LGR5: variants seen among roughly 807,000 people sequenced by gnomAD.
LGR5 encodes leucine rich repeat containing G protein-coupled receptor 5, also known as leucine-rich repeat-containing G protein-coupled receptor 5.
Under a neutral mutation model 76.7 loss-of-function variants are expected in LGR5, and 54 were observed. The ratio of observed to expected loss-of-function variants is 0.70; its 90% CI spans 0.57 to 0.88. LGR5 has a LOEUF of 0.88. Among genes scored for constraint, LGR5 ranks in the 40% least tolerant of loss-of-function variants. LGR5 has a pLI of 0.00. For missense variants in LGR5, 1,078 were observed against 1,073.3 expected, an observed-to-expected ratio of 1.00 and a Z score of -0.06; for synonymous variants, 406 against 421.9, an observed-to-expected ratio of 0.96 and a Z score of 0.46.
intron 1 of LGR5, among the ~76,000 whole-genome samples, chr12:71,451,700 C>A (rs927613143): frequency 1.3e-5 from 2 of 152,104 alleles, no homozygotes; most frequent in African/African-American, 4.8e-5. Flanking sequence ...GACTATATAC[C>A]CCTTGAAAAT....
chr12:71,567,755 C>T lies in LGR5; in HGVS notation c.1070+843C>T, dbSNP rs139778946. 4.6e-3 allele frequency among the ~76,000 whole-genome samples: 694 copies of T among 152,216 alleles called. 8 individuals are homozygous for T. The highest frequency in any genetic ancestry group is 0.016 in the African/African-American group (660 of 41,536). On this transcript the variant is annotated intron_variant, in intron 11 of 17. Coordinates refer to ENST00000266674, the MANE Select transcript of LGR5 (RefSeq NM_003667.4). ...GCCGTGTCACTTCAGACTCCAGTTG[C>T]TCAATGATATGTGGGTGCAGTGACA... is the stretch of plus-strand genomic sequence containing the variant.
chr12:71,498,147 G>A (rs1488758865), intron 1 of LGR5, among the ~76,000 whole-genome samples: 3 of 152,114 alleles, frequency 2.0e-5, no homozygotes, highest in Non-Finnish European at 4.4e-5. Context: ...GAATCTTTGA[G>A]GAATCCCTAG....
chr12:71,535,918 C>T (rs1397887242), intron 4 of LGR5, among the ~76,000 whole-genome samples: 1 of 152,194 alleles, frequency 6.6e-6, no homozygotes, highest in African/African-American at 2.4e-5. Context: ...CACAAAAGAA[C>T]ATTCTCCCAG....
intron 1 of LGR5, among the ~76,000 whole-genome samples, chr12:71,456,156 T>C (rs1872464672): frequency 1.3e-5 from 2 of 152,304 alleles, no homozygotes; most frequent in Non-Finnish European, 2.9e-5. Context: ...GCTTATACTT[T>C]TTTATTCCAG....
At chr12:71,450,290 C>T (rs1565848368) in intron 1 of LGR5, among the ~76,000 whole-genome samples, 2 of 152,116 alleles carry the variant, frequency 1.3e-5, no homozygotes, top group African/African-American at 2.4e-5. Context: ...TTGTGTATGT[C>T]CATATCTAGA....
intron 1 of LGR5, among the ~76,000 whole-genome samples, chr12:71,494,157 A>G (rs1194077182): frequency 6.6e-6 from 1 of 150,730 alleles, no homozygotes; most frequent in African/African-American, 2.5e-5. Context: ...CGTGTTAGCC[A>G]GGATGGTCTT....
chr12:71,522,504 T>C (rs185237725), intron 2 of LGR5, among the ~76,000 whole-genome samples: 25 of 152,334 alleles, frequency 1.6e-4, no homozygotes, highest in Admixed American at 1.4e-3. Context: ...TCTGACCATG[T>C]ATAGGAAGAA....
At position 71,566,507 on chromosome 12, in the gene LGR5, C is replaced by T. The variant is rs200459468; in HGVS notation, c.929+32C>T. 4.5e-6 allele frequency: 7 copies of T among 1,558,484 alleles called. No homozygotes were observed. In the East Asian group the frequency reaches 1.6e-4, roughly 35 times the overall value. On this transcript the variant is annotated intron_variant, in intron 9 of 17. Transcript: ENST00000266674. Reference sequence around the variant, plus strand: ...TTCTATGTCTCTTATGGATCACTTTCCCTCTACAGGGTTGCTGTGAAAAAC... The same window carrying T: ...TTCTATGTCTCTTATGGATCACTTTTCCTCTACAGGGTTGCTGTGAAAAAC...
intron 11 of LGR5, among the ~76,000 whole-genome samples, chr12:71,567,958 ACAAT>A (rs1878431507): frequency 6.6e-6 from 1 of 152,212 alleles, no homozygotes; most frequent in Non-Finnish European, 1.5e-5. Flanking sequence ...GAATTCAAAT[ACAAT>A]CAATTTGATT....
At chr12:71,568,499 T>C (rs1421601890) in intron 11 of LGR5, among the ~76,000 whole-genome samples, 1 of 152,204 alleles carries the variant, frequency 6.6e-6, no homozygotes, top group Non-Finnish European at 1.5e-5. Context: ...CTGGAACCAT[T>C]ATTCTTTCCT....
Position 71,584,778 on chromosome 12 carries a change from A to G in LGR5, c.*44A>G, listed in dbSNP as rs757857428. On this transcript the variant is annotated 3_prime_UTR_variant, in exon 18 of 18. Coordinates refer to ENST00000266674, the MANE Select transcript of LGR5 (RefSeq NM_003667.4). ...TGTTTTCAAAGGTTGAGAACCTGAA[A>G]ATGTGAGATTGAGTATATCAGAGCA... 19 of 1,567,980 alleles carry G rather than the reference A, an allele frequency of 1.2e-5. No individual in the cohort carries two copies. The highest frequency in any genetic ancestry group is 1.2e-5 in the South Asian group (1 of 85,134).
chr12:71,486,879 G>T (rs767490370), intron 1 of LGR5, among the ~76,000 whole-genome samples: 7 of 151,920 alleles, frequency 4.6e-5, no homozygotes, highest in Non-Finnish European at 8.8e-5. Flanking sequence ...AAACGCCTTT[G>T]TATGCTCAGG....
At chr12:71,491,875 A>G (rs1455004945) in intron 1 of LGR5, among the ~76,000 whole-genome samples, 2 of 150,332 alleles carry the variant, frequency 1.3e-5, no homozygotes, top group Non-Finnish European at 1.5e-5. Context: ...TTATAATTGA[A>G]TTTGTTGCAC....
Position 71,572,830 on chromosome 12 carries a change from T to C in LGR5, c.1137-20T>C. ...AAACCAGTAACTTTGAAATCAATCT[T>C]TGGAACCCTGTCATTTCAGTGACCT... On this transcript the variant is annotated intron_variant, in intron 12 of 17. Transcript: ENST00000266674. 1 of 1,603,698 alleles carries C rather than the reference T, an allele frequency of 6.2e-7. No homozygotes were observed. Among genetic ancestry groups the C allele is most frequent in the Non-Finnish European group, 8.5e-7 (1 of 1,170,894 alleles).
chr12:71,572,277 T>G (rs1463963107), intron 12 of LGR5, among the ~76,000 whole-genome samples: 7 of 151,982 alleles, frequency 4.6e-5, no homozygotes, highest in Admixed American at 2.6e-4. Context: ...AGAGACGAGG[T>G]TTCATCATGT....
At chr12:71,517,881 T>G (rs1208433031) in intron 2 of LGR5, among the ~76,000 whole-genome samples, 1 of 152,186 alleles carries the variant, frequency 6.6e-6, no homozygotes, top group Non-Finnish European at 1.5e-5. Flanking sequence ...ACCATAAGTA[T>G]AAAACGTTGC....
At position 71,535,021 on chromosome 12, in the gene LGR5, T is replaced by C. The variant is rs148900081; in HGVS notation, c.357-94T>C. On this transcript the variant is annotated intron_variant, in intron 3 of 17. Transcript: ENST00000266674. ...GACAAGACTTTGTCTGATGCTCTGTTGTTTTTCTGACACCTGGAACAGTGC... is the reference window on the plus strand; with the variant it reads ...GACAAGACTTTGTCTGATGCTCTGTCGTTTTTCTGACACCTGGAACAGTGC... 1,517 of 758,348 alleles carry C rather than the reference T, an allele frequency of 2.0e-3. 14 individuals are homozygous for C. The East Asian group carries it at 0.021, about 11-fold the overall frequency. The allele number at this position is 758,348 out of a possible 1,614,324, so 47.0% of individuals were successfully genotyped here. A position where few individuals can be genotyped will look rare whatever the true frequency, so the allele number is the denominator to read the frequency against.
chr12:71,490,163 T>C (rs762784401), intron 1 of LGR5, among the ~76,000 whole-genome samples: 1 of 151,512 alleles, frequency 6.6e-6, no homozygotes, highest in Non-Finnish European at 1.5e-5. Context: ...AATCAAATAG[T>C]AACTATTTGG....
chr12:71,517,002 T>TAAA (rs11321068), intron 2 of LGR5, among the ~76,000 whole-genome samples: 1 of 144,656 alleles, frequency 6.9e-6, no homozygotes, highest in Admixed American at 6.9e-5. Context: ...GAAACAGCAT[T>TAAA]AAAAAAAAAA....
Sources: allele counts gnomAD v4.1 joint callset (sites outside exome capture counted in the v4.1 genomes callset), GRCh38; gene constraint gnomAD v4.1.1; transcripts MANE v1.5; gene names NCBI Gene and HGNC (gene_info 2026-07-23, HGNC 2026-07-21).